CCDC171: variants seen among roughly 807,000 people sequenced by gnomAD.
The protein encoded by CCDC171 is coiled-coil domain-containing protein 171.
A neutral mutation model predicts 168.2 loss-of-function variants in CCDC171; 177 were observed. That is an observed-to-expected ratio of 1.05 (90% CI 0.93 to 1.19). The LOEUF is 1.19. CCDC171 is among the 50% of genes most tolerant of loss of function. CCDC171 has a pLI of 0.00. For synonymous variants in CCDC171, 687 were observed against 540.8 expected, an observed-to-expected ratio of 1.27 and a Z score of -3.75; for missense variants, 1,991 against 1,539.0, an observed-to-expected ratio of 1.29 and a Z score of -4.91.
At chr9:15,804,363 T>C (rs1588603572) in intron 21 of CCDC171, among the ~76,000 whole-genome samples, 1 of 152,142 alleles carries the variant, frequency 6.6e-6, no homozygotes, top group African/African-American at 2.4e-5. Context: ...ATATTGGCTG[T>C]GTTTTTATCA....
chr9:15,989,219 C>T (rs1832101653), intron 3 of CCDC171, among the ~76,000 whole-genome samples: 1 of 152,166 alleles, frequency 6.6e-6, no homozygotes, highest in South Asian at 2.1e-4. Flanking sequence ...GGGTACTGCT[C>T]TGAGACGAAG....
chr9:16,107,816 A>C, the CCDC171 span, among the ~76,000 whole-genome samples: 4 of 152,174 alleles, frequency 2.6e-5, no homozygotes, highest in African/African-American at 9.7e-5. Context: ...CCTATGTCTT[A>C]ATCATTTTCG....
rs575008597 is a variant in CCDC171, at chr9:15,893,748, TAGAA to T, written c.3600+19088_3600+19091del. Among the ~76,000 whole-genome samples, 7 of 152,192 alleles carry T rather than the reference TAGAA, an allele frequency of 4.6e-5. No individual in the cohort carries two copies. The East Asian group carries it at 1.4e-3, about 29-fold the overall frequency. ...CAATGAGATGCCATCTTGTGCCAGT[TAGAA>T]AGGCTATTATTAAAAAGTCAAAAAA... On this transcript the variant is annotated intron_variant, in intron 24 of 25. Coordinates refer to ENST00000380701, the MANE Select transcript of CCDC171 (RefSeq NM_173550.4).
chr9:15,654,390 C>G (rs772218420), intron 7 of CCDC171, among the ~76,000 whole-genome samples: 2 of 152,148 alleles, frequency 1.3e-5, no homozygotes, highest in Non-Finnish European at 2.9e-5. Context: ...GCCATCAGAA[C>G]CAGGTGCATC....
intron 18 of CCDC171, among the ~76,000 whole-genome samples, chr9:15,772,059 C>A (rs751102151): frequency 2.6e-5 from 4 of 152,158 alleles, no homozygotes; most frequent in Non-Finnish European, 5.9e-5. Context: ...GTCTCCAACT[C>A]CTGACCTCAA....
At chr9:15,902,361 G>T (rs958826624) in intron 24 of CCDC171, among the ~76,000 whole-genome samples, 6 of 151,582 alleles carry the variant, frequency 4.0e-5, no homozygotes, top group Non-Finnish European at 7.4e-5. Flanking sequence ...TACGAATGTA[G>T]AAAGTATTTA....
intron 9 of CCDC171, among the ~76,000 whole-genome samples, chr9:15,672,823 G>C (rs1335659507): frequency 6.6e-6 from 1 of 152,182 alleles, no homozygotes; most frequent in Non-Finnish European, 1.5e-5. Flanking sequence ...GCTTAGGATT[G>C]TCTTGGCAAT....
intron 1 of CCDC171, among the ~76,000 whole-genome samples, chr9:16,044,393 G>GT (rs918465619): frequency 4.0e-5 from 6 of 151,264 alleles, no homozygotes; most frequent in East Asian, 1.9e-4. Flanking sequence ...GATATACTAG[G>GT]TTTTTTTTCT....
At chr9:15,866,377 T>A (rs1051179407) in intron 23 of CCDC171, among the ~76,000 whole-genome samples, 5 of 151,890 alleles carry the variant, frequency 3.3e-5, no homozygotes, top group Non-Finnish European at 5.9e-5. Context: ...CTCAGAAGGG[T>A]TGAACCAGAA....
chr9:15,727,861 TCC>T lies in CCDC171; in HGVS notation c.1693-7_1693-6del. On this transcript the variant is annotated splice_polypyrimidine_tract_variant and splice_region_variant and intron_variant, in intron 14 of 25. Transcript: ENST00000380701. ...CAGCAATTAATTTTTCTTTTTTTTT[TCC>T]TGCAGGAGAAGCTAACCTTCCTTCA... 1.3e-6 allele frequency: 2 copies of T among 1,594,748 alleles called. No homozygotes were observed. The highest frequency in any genetic ancestry group is 1.8e-5 in the Admixed American group (1 of 55,622).
At chr9:16,029,549 T>C (rs986352501) in intron 6 of CCDC171, among the ~76,000 whole-genome samples, 2 of 152,180 alleles carry the variant, frequency 1.3e-5, no homozygotes, top group African/African-American at 4.8e-5. Flanking sequence ...GCAGTAGGAG[T>C]GCTCTGTATT....
intron 16 of CCDC171, among the ~76,000 whole-genome samples, chr9:15,740,127 A>G (rs1023563391): frequency 1.3e-5 from 2 of 152,138 alleles, no homozygotes; most frequent in Admixed American, 1.3e-4. Context: ...TTATAACAAG[A>G]TTAAGTAATT....
At chr9:15,698,445 T>C (rs1045444943) in intron 11 of CCDC171, among the ~76,000 whole-genome samples, 3 of 146,218 alleles carry the variant, frequency 2.1e-5, no homozygotes, top group African/African-American at 5.1e-5. Context: ...GGCATGAACC[T>C]GGGAGGCGGA....
At chr9:16,055,523 T>G (rs1335953632) in intron 1 of CCDC171, among the ~76,000 whole-genome samples, 1 of 152,168 alleles carries the variant, frequency 6.6e-6, no homozygotes, top group East Asian at 1.9e-4. Context: ...TGGGGTCCTT[T>G]CATGTCCACT....
chr9:15,627,740 T>C (rs200037171), intron 7 of CCDC171, among the ~76,000 whole-genome samples: 1 of 152,122 alleles, frequency 6.6e-6, no homozygotes, highest in East Asian at 1.9e-4. Context: ...ACTTCCAACT[T>C]TGTGGTCAGT....
In CCDC171 at chr9:15,791,072, C is replaced by T. The variant is rs138354249; in HGVS notation, c.3267+6378C>T. On this transcript the variant is annotated intron_variant, in intron 21 of 25. Coordinates refer to ENST00000380701, the MANE Select transcript of CCDC171 (RefSeq NM_173550.4). ...TTCTTTTTGCTTAGGATTGTCTTGG[C>T]GATGCGGGCTCTTTTTTGGTTCCAT... Among the ~76,000 whole-genome samples the T allele has an allele frequency of 2.2e-4, 33 of 152,214 alleles. No individual in the cohort carries two copies. The East Asian group carries it at 4.0e-3, about 19-fold the overall frequency.
chr9:15,583,569 G>A (rs939317421), intron 4 of CCDC171, among the ~76,000 whole-genome samples: 8 of 152,156 alleles, frequency 5.3e-5, no homozygotes, highest in African/African-American at 1.9e-4. Flanking sequence ...ATAAGTGGGA[G>A]CTAAGCTATG....
At chr9:15,593,504 T>C (rs765438945) in intron 5 of CCDC171, among the ~76,000 whole-genome samples, 1 of 152,120 alleles carries the variant, frequency 6.6e-6, no homozygotes, top group Non-Finnish European at 1.5e-5. Flanking sequence ...TTCTAGAGTT[T>C]CCTTATCCTA....
At chr9:15,994,395 T>C (rs1235379998) in intron 3 of CCDC171, among the ~76,000 whole-genome samples, 1 of 151,996 alleles carries the variant, frequency 6.6e-6, no homozygotes, top group East Asian at 1.9e-4. Flanking sequence ...ATGAGAACAC[T>C]TGGACACAGG....
Sources: allele counts gnomAD v4.1 joint callset (sites outside exome capture counted in the v4.1 genomes callset), GRCh38; gene constraint gnomAD v4.1.1; transcripts MANE v1.5; gene names NCBI Gene and HGNC (gene_info 2026-07-23, HGNC 2026-07-21).